The following EFNA4 variants were observed in gnomAD, a reference collection of about 807,000 sequenced individuals.
The protein encoded by EFNA4 is ephrin-A4.
Under a neutral mutation model 23.7 loss-of-function variants are expected in EFNA4, and 22 were observed. The ratio of observed to expected loss-of-function variants is 0.93; its 90% CI spans 0.66 to 1.32. The LOEUF is 1.32. Ranked by LOEUF, EFNA4 falls within the 40% of genes most tolerant of loss-of-function variation. The probability of loss-of-function intolerance (pLI) is 0.00; values close to 1 mark genes in which losing one functional copy is unlikely to be tolerated. For synonymous variants in EFNA4, 113 were observed against 108.3 expected (o/e 1.04, Z -0.27); for missense variants, 252 against 252.3 (o/e 1.00, Z 0.01).
rs1490830564 is a variant in EFNA4 at position 155,067,357 on chromosome 1, T to C, written c.401-15T>C. 3 of 1,614,154 alleles carry C rather than the reference T, an allele frequency of 1.9e-6. No individual in the cohort carries two copies. Among genetic ancestry groups the C allele is most frequent in the Non-Finnish European group, 2.5e-6 (3 of 1,180,010 alleles). On this transcript the variant is annotated splice_polypyrimidine_tract_variant and intron_variant, in intron 2 of 3. Coordinates refer to ENST00000368409, the MANE Select transcript of EFNA4 (RefSeq NM_005227.3). ...ACTCCCTGTGCTAACTTTTTCCCAC[T>C]TTCCCACTACCCAGCGGTGCCCACT... is the stretch of plus-strand genomic sequence containing the variant.
In EFNA4 at chr1:155,069,497, A is replaced by G. The variant is rs1057458627; in HGVS notation, c.*508A>G. The G allele has an allele frequency of 1.0e-5, 3 of 299,164 alleles. No individual in the cohort carries two copies. The highest frequency in any genetic ancestry group is 2.2e-5 in the African/African-American group (1 of 45,116). 18.5% of individuals were successfully genotyped at this position (299,164 alleles called of 1,614,324 possible). A position where few individuals can be genotyped will look rare whatever the true frequency, so the allele number is the denominator to read the frequency against. ...GAATTTCATGCCAGTTTGTATTTTTATAAGTATCTAGACCAAACCTTCAAT... is the reference window on the plus strand; with the variant it reads ...GAATTTCATGCCAGTTTGTATTTTTGTAAGTATCTAGACCAAACCTTCAAT... On this transcript the variant is annotated 3_prime_UTR_variant, in exon 4 of 4. Coordinates refer to ENST00000368409, the MANE Select transcript of EFNA4 (RefSeq NM_005227.3).
chr1:155,066,338 A>G (rs1663044678), intron 1 of EFNA4, among the ~76,000 whole-genome samples: 1 of 152,174 alleles, frequency 6.6e-6, no homozygotes, highest in Non-Finnish European at 1.5e-5. Flanking sequence ...CTCTCTGCCC[A>G]GCTTCTTCAC....
chr1:155,068,260 A>G (rs1321278837), intron 3 of EFNA4, among the ~76,000 whole-genome samples: 1 of 94,710 alleles, frequency 1.1e-5, no homozygotes, highest in Admixed American at 1.2e-4. Context: ...CTCACTGCAC[A>G]CTTTTTTTTT....
chr1:155,064,086 G>C, intron 1 of EFNA4, 150 bp downstream of exon 1: 5 of 549,606 alleles, frequency 9.1e-6, no homozygotes, highest in Admixed American at 4.5e-5. Flanking sequence ...GGGGGGAGGG[G>C]CGAGGGGCGA....
intron 2 of EFNA4, 139 bp from the exon 3 acceptor site, chr1:155,067,233 T>C: frequency 9.2e-7 from 1 of 1,086,532 alleles, no homozygotes; most frequent in Non-Finnish European, 1.4e-6. Flanking sequence ...TGGGGCCTGA[T>C]ACATGGGTGT....
intron 3 of EFNA4, among the ~76,000 whole-genome samples, chr1:155,067,843 G>C (rs1487072777): frequency 6.6e-6 from 1 of 151,964 alleles, no homozygotes; most frequent in African/African-American, 2.4e-5. Context: ...GGATGGTCTC[G>C]ATCTCCTGAC....
At chr1:155,067,899 G>A (rs1297410332) in intron 3 of EFNA4, among the ~76,000 whole-genome samples, 1 of 151,616 alleles carries the variant, frequency 6.6e-6, no homozygotes, top group Non-Finnish European at 1.5e-5. Flanking sequence ...GAGATTACAG[G>A]CATGAGCCAC....
intron 3 of EFNA4, among the ~76,000 whole-genome samples, chr1:155,067,806 A>G (rs1277260749): frequency 6.6e-6 from 1 of 151,998 alleles, no homozygotes; most frequent in Non-Finnish European, 1.5e-5. Flanking sequence ...TATTTTTAGT[A>G]GAGATGGGGT....
At position 155,066,838 on chromosome 1, in the gene EFNA4, T is replaced by A; in HGVS notation, c.222T>A (p.Ala74=). The change falls in exon 2 of 4, where the codon GCT becomes GCA. Residue 74 remains alanine (A), a synonymous_variant. Transcript: ENST00000368409. ...PGPPEGPETF[A]LYMVDWPGYE... Reference sequence around the variant, plus strand: ...CCCCTGAGGGCCCCGAGACGTTTGCTTTGTACATGGTGGACTGGCCAGGCT... The same window carrying A: ...CCCCTGAGGGCCCCGAGACGTTTGCATTGTACATGGTGGACTGGCCAGGCT... 1 of 1,614,076 alleles carries A rather than the reference T, an allele frequency of 6.2e-7. No individual in the cohort carries two copies.
rs2102443491 is a variant in EFNA4, at chr1:155,067,012, C to T, written c.396C>T (p.Tyr132=). 1.2e-6 allele frequency: 2 copies of T among 1,604,086 alleles called. No homozygotes were observed. Among genetic ancestry groups the T allele is most frequent in the East Asian group, 4.5e-5 (2 of 44,758 alleles). Residue 132 remains tyrosine (Y), a synonymous_variant, in exon 2 of 4, where the codon TAC becomes TAT. Coordinates refer to ENST00000368409, the MANE Select transcript of EFNA4 (RefSeq NM_005227.3). ...FEFLPGETYY[Y]ISVPTPESSG... ...TCTTACCTGGAGAGACTTACTACTA[C>T]ATCTGTGAGTGGCCAAGGGCACACT...
Position 155,066,748 on chromosome 1 carries a change from C to G in EFNA4, c.132C>G (p.Ala44=). 1 of 1,601,016 alleles carries G rather than the reference C, an allele frequency of 6.2e-7. No individual in the cohort carries two copies. Among genetic ancestry groups the G allele is most frequent in the Non-Finnish European group, 8.5e-7 (1 of 1,174,992 alleles). ...SSNPRLLRGD[A]VVELGLNDYL... ...CCTGCAGGTTGCTTCGAGGAGACGC[C>G]GTGGTGGAGCTGGGCCTCAACGATT... Residue 44 remains alanine, a synonymous_variant, in exon 2 of 4, where the codon GCC becomes GCG. Transcript: ENST00000368409.
chr1:155,063,986 G>A lies in EFNA4; in HGVS notation c.113+50G>A. 3 of 1,436,132 alleles carry A rather than the reference G, an allele frequency of 2.1e-6. No individual in the cohort carries two copies. Among genetic ancestry groups the A allele is most frequent in the East Asian group, 3.0e-5 (1 of 33,616 alleles). 89.0% of individuals were successfully genotyped at this position (1,436,132 alleles called of 1,614,324 possible). On this transcript the variant is annotated intron_variant, in intron 1 of 3. Coordinates refer to ENST00000368409, the MANE Select transcript of EFNA4 (RefSeq NM_005227.3). This position sits in a 1 kb window ranked among gnomAD's most constrained non-coding sequence, Gnocchi z 4.1. The stretch of plus-strand genomic sequence containing the variant: ...GCACAGCCAAGTCTGCGCGCTCCCG[G>A]GCTTTGCGCGCGCCCGCCACCCGCT...
intron 3 of EFNA4, 113 bp downstream of exon 3, chr1:155,067,553 A>G: frequency 8.4e-7 from 1 of 1,189,740 alleles, no homozygotes; most frequent in Non-Finnish European, 1.2e-6. Flanking sequence ...TGAAGCTTCA[A>G]GCTGTGGTCT....
rs758090033 is a variant in EFNA4 at position 155,069,132 on chromosome 1, G to C, written c.*143G>C. Reference sequence around the variant, plus strand: ...ATTGATGGGGGAGATCAGAGGGTCTGAGGTGACTCTTGCAGGAGCCTGTCC... The same window carrying C: ...ATTGATGGGGGAGATCAGAGGGTCTCAGGTGACTCTTGCAGGAGCCTGTCC... On this transcript the variant is annotated 3_prime_UTR_variant, in exon 4 of 4. Coordinates refer to ENST00000368409, the MANE Select transcript of EFNA4 (RefSeq NM_005227.3). The C allele has an allele frequency of 1.2e-6, 2 of 1,611,370 alleles. No individual in the cohort carries two copies. Among genetic ancestry groups the C allele is most frequent in the South Asian group, 2.2e-5 (2 of 90,852 alleles).
At position 155,069,277 on chromosome 1, in the gene EFNA4, G is replaced by A. The variant is rs538384115; in HGVS notation, c.*288G>A. On this transcript the variant is annotated 3_prime_UTR_variant, in exon 4 of 4. Transcript: ENST00000368409. ...TCTCAGCCCATCCCCCAGGAGGACT[G>A]GGATTTGGTATGATCAAATCCTCAA... 3 of 1,343,780 alleles carry A rather than the reference G, an allele frequency of 2.2e-6. No homozygotes were observed. Among genetic ancestry groups the A allele is most frequent in the East Asian group, 2.6e-5 (1 of 38,194 alleles). The allele number at this position is 1,343,780 out of a possible 1,614,324, so 83.2% of individuals were successfully genotyped here.
In EFNA4 at chr1:155,068,914, G is replaced by A. The variant is rs766881827; in HGVS notation, c.531G>A (p.Gly177=). The change falls in exon 4 of 4, where the codon GGG becomes GGA. Residue 177 remains glycine (G), a synonymous_variant. Transcript: ENST00000368409. ...AGAGTGGCACATCAGGGTGGCGAGG[G>A]GGGGACACTCCCAGCCCCCTCTGTC... ...PGESGTSGWR[G]GDTPSPLCLL... is the part of the protein sequence containing the mutation. 12 of 1,613,944 alleles carry A rather than the reference G, an allele frequency of 7.4e-6. No individual in the cohort carries two copies. The highest frequency in any genetic ancestry group is 2.2e-5 in the East Asian group (1 of 44,894).
intron 3 of EFNA4, among the ~76,000 whole-genome samples, chr1:155,068,461 T>TA (rs1663104486): frequency 1.5e-5 from 2 of 135,610 alleles, no homozygotes; most frequent in East Asian, 2.1e-4. Flanking sequence ...TTTTTTTTTT[T>TA]AGTAGAGACA....
intron 1 of EFNA4, among the ~76,000 whole-genome samples, chr1:155,065,597 C>T (rs866091485): frequency 2.7e-4 from 41 of 149,910 alleles, no homozygotes; most frequent in African/African-American, 9.9e-4. Context: ...GGCTGTAGTG[C>T]GGTGGCATAA....
At chr1:155,066,024 C>G (rs1663036572) in intron 1 of EFNA4, among the ~76,000 whole-genome samples, 1 of 152,084 alleles carries the variant, frequency 6.6e-6, no homozygotes, top group Non-Finnish European at 1.5e-5. Flanking sequence ...GCGTGAGCCA[C>G]CGCGCCCAGC....
Sources: gnomAD v4.1 joint callset for allele counts (sites outside exome capture counted in the v4.1 genomes callset) on GRCh38, gnomAD v4.1.1 for gene constraint, Gnocchi (gnomAD v3.1) non-coding constraint, MANE v1.5 for transcripts, NCBI Gene and HGNC (gene_info 2026-07-23, HGNC 2026-07-21) for gene names.